The following RALYL variants were observed in gnomAD, a reference collection of about 807,000 sequenced individuals.
RALYL encodes RNA-binding Raly-like protein.
In RALYL, 29 loss-of-function variants were observed where a neutral mutation model predicts 35.1. That is an observed-to-expected ratio of 0.83 (90% CI 0.61 to 1.13). The LOEUF (loss-of-function observed/expected upper bound fraction) is 1.13, where lower values mean the gene tolerates loss of function less well. Among genes scored for constraint, RALYL ranks in the 50% most tolerant of loss-of-function variants. The pLI, the probability that RALYL is intolerant of heterozygous loss-of-function variation, is 0.00. For synonymous variants in RALYL, 120 were observed against 127.6 expected (o/e 0.94, Z 0.40); for missense variants, 359 against 360.4 (o/e 1.00, Z 0.03).
chr8:84,663,898 T>C (rs988681566), intron 2 of RALYL, among the ~76,000 whole-genome samples: 2 of 152,178 alleles, frequency 1.3e-5, no homozygotes, highest in Non-Finnish European at 2.9e-5. Context: ...GCTGTGCCTA[T>C]GTCCTGAATG....
intron 2 of RALYL, among the ~76,000 whole-genome samples, chr8:84,590,796 A>G (rs528699530): frequency 6.6e-6 from 1 of 152,362 alleles, no homozygotes; most frequent in East Asian, 1.9e-4. Flanking sequence ...GCATTTCTGC[A>G]GTCAAACCTG....
chr8:84,779,995 T>C (rs765989175), intron 3 of RALYL, among the ~76,000 whole-genome samples: 6 of 152,248 alleles, frequency 3.9e-5, no homozygotes, highest in South Asian at 2.1e-4. Flanking sequence ...CATTGACTTA[T>C]ACTGTTTGCT....
At chr8:84,540,602 A>G (rs947749210) in intron 2 of RALYL, among the ~76,000 whole-genome samples, 1 of 151,932 alleles carries the variant, frequency 6.6e-6, no homozygotes, top group Non-Finnish European at 1.5e-5. Context: ...CTCTATGTTC[A>G]TGATAAACTA....
At chr8:84,243,299 C>T (rs1301229349) in intron 1 of RALYL, among the ~76,000 whole-genome samples, 3 of 152,032 alleles carry the variant, frequency 2.0e-5, no homozygotes, top group Non-Finnish European at 4.4e-5. Flanking sequence ...TTATGATTGA[C>T]TTGGCTATCC....
intron 2 of RALYL, among the ~76,000 whole-genome samples, chr8:84,598,094 C>A (rs1172972730): frequency 6.6e-6 from 1 of 152,140 alleles, no homozygotes; most frequent in Non-Finnish European, 1.5e-5. Flanking sequence ...CTAGATTGTT[C>A]TGCTCTGCCT....
intron 2 of RALYL, among the ~76,000 whole-genome samples, chr8:84,609,971 G>A (rs1295761170): frequency 6.6e-6 from 1 of 152,040 alleles, no homozygotes; most frequent in Non-Finnish European, 1.5e-5. Context: ...GATCTCATGA[G>A]ACTTATTCAC....
At chr8:84,600,793 G>A (rs1313016976) in intron 2 of RALYL, among the ~76,000 whole-genome samples, 1 of 152,022 alleles carries the variant, frequency 6.6e-6, no homozygotes, top group African/African-American at 2.4e-5. Context: ...GCCATCCAAG[G>A]CAAACTGACA....
At chr8:84,233,093 C>T (rs951128208) in intron 1 of RALYL, among the ~76,000 whole-genome samples, 31 of 152,192 alleles carry the variant, frequency 2.0e-4, no homozygotes, top group Non-Finnish European at 4.4e-5. Context: ...AACGATCCAC[C>T]TGCCTTAGCC....
chr8:84,858,044 G>T (rs565135374), intron 5 of RALYL, among the ~76,000 whole-genome samples: 2 of 152,086 alleles, frequency 1.3e-5, no homozygotes, highest in Admixed American at 1.3e-4. Flanking sequence ...GAAATCAAAT[G>T]TCCTTATTCT....
At chr8:84,371,539 T>TCACACACACACACACACACACACACA (rs5892914) in intron 1 of RALYL, among the ~76,000 whole-genome samples, 1 of 144,072 alleles carries the variant, frequency 6.9e-6, no homozygotes, top group African/African-American at 2.6e-5. Flanking sequence ...TTTATGATTA[T>TCACACACACACACACACACACACACA]CACACACACA....
intron 1 of RALYL, among the ~76,000 whole-genome samples, chr8:84,266,754 A>C (rs913572042): frequency 2.6e-5 from 4 of 152,024 alleles, no homozygotes; most frequent in African/African-American, 9.7e-5. Flanking sequence ...AGGTCAGGAG[A>C]TCGAGACCAT....
At chr8:84,458,206 T>C (rs1439139026) in intron 1 of RALYL, among the ~76,000 whole-genome samples, 1 of 151,832 alleles carries the variant, frequency 6.6e-6, no homozygotes, top group Non-Finnish European at 1.5e-5. Flanking sequence ...GTTCCTTGCA[T>C]GTGACAATTG....
At chr8:84,308,025 G>GAAA (rs754588401) in intron 1 of RALYL, among the ~76,000 whole-genome samples, 235 of 135,796 alleles carry the variant, frequency 1.7e-3, no homozygotes, top group African/African-American at 6.0e-3. Flanking sequence ...CCGTAGGTCA[G>GAAA]AAAAAAAAAA....
chr8:84,237,234 T>C, intron 1 of RALYL, among the ~76,000 whole-genome samples: 1 of 152,136 alleles, frequency 6.6e-6, no homozygotes, highest in Admixed American at 6.5e-5. Context: ...TGCAGCAGGA[T>C]TCTCTTGGTG....
At chr8:84,542,928 T>G (rs1226840105) in intron 2 of RALYL, among the ~76,000 whole-genome samples, 1 of 152,188 alleles carries the variant, frequency 6.6e-6, no homozygotes, top group East Asian at 1.9e-4. Context: ...GTCTCTTAGT[T>G]TAAAAGCTCT....
intron 2 of RALYL, among the ~76,000 whole-genome samples, chr8:84,625,905 G>A (rs1476855331): frequency 2.0e-5 from 3 of 152,176 alleles, no homozygotes; most frequent in East Asian, 3.9e-4. Context: ...ACATGTCACT[G>A]TGGTTGTCAT....
intron 1 of RALYL, among the ~76,000 whole-genome samples, chr8:84,415,208 T>G (rs370939666): frequency 6.7e-6 from 1 of 150,248 alleles, no homozygotes; most frequent in South Asian, 2.1e-4. Flanking sequence ...GACACTCGTT[T>G]TTTTTTTTTT....
At chr8:84,237,183 G>T (rs1424193689) in intron 1 of RALYL, among the ~76,000 whole-genome samples, 2 of 152,190 alleles carry the variant, frequency 1.3e-5, no homozygotes, top group East Asian at 3.9e-4. Flanking sequence ...CAAAGCCCAT[G>T]CTGGAACCAG....
chr8:84,573,848 C>G (rs548260928), intron 2 of RALYL, among the ~76,000 whole-genome samples: 15 of 152,074 alleles, frequency 9.9e-5, no homozygotes, highest in Admixed American at 7.2e-4. Flanking sequence ...TTCACCCACA[C>G]AAGTTCAATT....
Sources: allele counts gnomAD v4.1 joint callset (sites outside exome capture counted in the v4.1 genomes callset), GRCh38; gene constraint gnomAD v4.1.1; transcripts MANE v1.5; gene names NCBI Gene and HGNC (gene_info 2026-07-23, HGNC 2026-07-21).